The following DOCK9 variants were observed in gnomAD, a reference collection of about 807,000 sequenced individuals.
The protein encoded by DOCK9 is dedicator of cytokinesis protein 9.
A neutral mutation model predicts 263.3 loss-of-function variants in DOCK9; 89 were observed. The observed-to-expected ratio is 0.34, with a 90% CI of 0.28 to 0.40. The LOEUF is 0.40. DOCK9 is among the 10% of genes least tolerant of loss of function. DOCK9 has a pLI of 1.00. For missense variants in DOCK9, 2,140 were observed against 2,603.4 expected (o/e 0.82, Z 3.87); for synonymous variants, 976 against 973.1 (o/e 1.00, Z -0.06).
chr13:99,068,512 G>A (rs1461183979), intron 1 of DOCK9, among the ~76,000 whole-genome samples: 1 of 152,180 alleles, frequency 6.6e-6, no homozygotes, highest in Non-Finnish European at 1.5e-5. Flanking sequence ...AACCCAGGAG[G>A]CGGAGCCTGC....
At chr13:98,796,894 C>A (rs1461578011) in intron 52 of DOCK9, among the ~76,000 whole-genome samples, 1 of 152,030 alleles carries the variant, frequency 6.6e-6, no homozygotes, top group Non-Finnish European at 1.5e-5. Flanking sequence ...CACGAGGAGG[C>A]GGGCCCGCTC....
intron 1 of DOCK9, among the ~76,000 whole-genome samples, chr13:99,014,190 C>T (rs961109416): frequency 3.9e-5 from 6 of 152,180 alleles, no homozygotes; most frequent in African/African-American, 1.2e-4. Context: ...AGAAGCTTGC[C>T]GCATGGGAGG....
Position 99,028,596 on chromosome 13 carries a change from C to G in DOCK9, c.129+57627G>C, listed in dbSNP as rs1887021604. ...CGAGAACAAATTTCTTCTCCTTCTTCTTGCATTATTTATACAAACATTGTT... is the reference window on the plus strand; with the variant it reads ...CGAGAACAAATTTCTTCTCCTTCTTGTTGCATTATTTATACAAACATTGTT... On this transcript the variant is annotated intron_variant, in intron 1 of 32. Coordinates refer to the DOCK9 transcript ENST00000427887. 3.9e-5 allele frequency among the ~76,000 whole-genome samples: 6 copies of G among 152,166 alleles called. No individual in the cohort carries two copies. In the South Asian group the frequency reaches 1.2e-3, roughly 32 times the overall value.
intron 9 of DOCK9, among the ~76,000 whole-genome samples, chr13:98,905,895 G>A (rs149573309): frequency 1.4e-4 from 21 of 152,268 alleles, no homozygotes; most frequent in African/African-American, 5.1e-4. Flanking sequence ...GCAGGGCTGA[G>A]GCAATGGGTT....
intron 1 of DOCK9, among the ~76,000 whole-genome samples, chr13:98,969,463 G>GAAAAAA (rs56102330): frequency 6.7e-6 from 1 of 148,934 alleles, no homozygotes. Context: ...GCGGGAGAAA[G>GAAAAAA]AAAAAAAAAA....
At chr13:98,799,192 G>A (rs1446068552) in intron 50 of DOCK9, among the ~76,000 whole-genome samples, 3 of 152,126 alleles carry the variant, frequency 2.0e-5, no homozygotes, top group Admixed American at 6.6e-5. Flanking sequence ...AACAACTCAC[G>A]GTTCTTTAGC....
At chr13:98,966,641 T>A (rs1053945627) in intron 1 of DOCK9, among the ~76,000 whole-genome samples, 10 of 152,318 alleles carry the variant, frequency 6.6e-5, no homozygotes, top group Middle Eastern at 6.8e-3. Context: ...CCAGATTTAG[T>A]CAGATTTCAA....
chr13:98,839,832 A>C (rs2093144491), intron 38 of DOCK9, among the ~76,000 whole-genome samples: 1 of 152,258 alleles, frequency 6.6e-6, no homozygotes, highest in Non-Finnish European at 1.5e-5. Flanking sequence ...ACACATATGG[A>C]AACATGGTAC....
rs1352967705 is a variant in DOCK9 at position 98,812,285 on chromosome 13, A to G, written c.5131-1994T>C. ...AAGCACCTTAGAAAAATTACATGAC[A>G]CGGAGAAAATGCGCCTCTTGCTCCT... On this transcript the variant is annotated intron_variant, in intron 45 of 52. Coordinates refer to ENST00000682017, the MANE Select transcript of DOCK9 (RefSeq NM_001366683.2). Among the ~76,000 whole-genome samples, 5 of 150,314 alleles carry G rather than the reference A, an allele frequency of 3.3e-5. No homozygotes were observed. In the East Asian group the frequency reaches 7.8e-4, roughly 23 times the overall value.
Position 98,921,076 on chromosome 13 carries a change from G to A in DOCK9, c.595C>T (p.Arg199Ter), listed in dbSNP as rs766883642. 1.9e-6 allele frequency: 3 copies of A among 1,600,174 alleles called. No individual in the cohort carries two copies. The highest frequency in any genetic ancestry group is 2.6e-6 in the Non-Finnish European group (3 of 1,172,990). The change falls in exon 7 of 53, where the codon CGA becomes TGA. Residue 199 changes from arginine to a stop codon, truncating the protein, a stop_gained. Transcript: ENST00000682017. LOFTEE classifies it high-confidence loss of function. ...CCAAGTTGAATCAGGTGGAAAAATC[G>A]TCTCTTAAATGACTGAGAGAAAAAT... Reference protein sequence around the residue: ...ISVTMRSFKRRFFHLIQLGDG... With the variant: ...ISVTMRSFKR
rs557291194 is a variant in DOCK9 at position 99,036,200 on chromosome 13, T to C, written c.129+50023A>G. 5.3e-5 allele frequency among the ~76,000 whole-genome samples: 8 copies of C among 152,328 alleles called. No homozygotes were observed. In the South Asian group the frequency reaches 1.7e-3, roughly 32 times the overall value. On this transcript the variant is annotated intron_variant, in intron 1 of 32. Coordinates refer to the DOCK9 transcript ENST00000427887. ...TTCACTAGAGAACCCTATTATACTGTTACAAACGGAATATTTGTGCTCCCT... is the reference window on the plus strand; with the variant it reads ...TTCACTAGAGAACCCTATTATACTGCTACAAACGGAATATTTGTGCTCCCT...
Position 98,863,423 on chromosome 13 carries a change from C to T in DOCK9, c.3412G>A (p.Val1138Met). 1 of 1,613,978 alleles carries T rather than the reference C, an allele frequency of 6.2e-7. No individual in the cohort carries two copies. The highest frequency in any genetic ancestry group is 8.5e-7 in the Non-Finnish European group (1 of 1,179,900). ...FREVRLIAIS[V>M]LKNLLIKHSF... ...TGCTTTATCAGCAGGTTCTTGAGCA[C>T]ACTGATGGCGATCAGACGGACCTCC... The change falls in exon 31 of 53, where the codon GTG becomes ATG. Residue 1138 changes from valine (V) to methionine (M), a missense_variant. This residue lies in a region of DOCK9 where 1,521 missense variants were observed against 1,741.7 expected (regional missense o/e 0.87). Coordinates refer to ENST00000682017, the MANE Select transcript of DOCK9 (RefSeq NM_001366683.2).
chr13:98,903,033 T>C lies in DOCK9; in HGVS notation c.1115A>G (p.Asn372Ser), dbSNP rs1248915127. The change falls in exon 11 of 53, where the codon AAT becomes AGT. Residue 372 changes from asparagine (N) to serine (S), a missense_variant. Physicochemically the swap from Asn to Ser is conservative, Grantham distance 46 (BLOSUM62 1). Coordinates refer to ENST00000682017, the MANE Select transcript of DOCK9 (RefSeq NM_001366683.2). ...GCATTGCAAATTGAAAGATAAATCA[T>C]TGCACTTGACAAGGATCCTTTTTCC... is the stretch of plus-strand genomic sequence containing the variant. ...KFGKRILVKC[N>S]DLSFNLQCCV... 1.9e-6 allele frequency: 3 copies of C among 1,543,360 alleles called. No homozygotes were observed. The East Asian group carries it at 7.4e-5, about 38-fold the overall frequency.
At chr13:99,019,098 G>A (rs192658889) in intron 1 of DOCK9, among the ~76,000 whole-genome samples, 10 of 152,104 alleles carry the variant, frequency 6.6e-5, no homozygotes, top group East Asian at 3.9e-4. Flanking sequence ...CGAATGGCCC[G>A]AAAACCATTA....
At chr13:99,042,884 T>C (rs1174801177) in intron 1 of DOCK9, among the ~76,000 whole-genome samples, 1 of 152,082 alleles carries the variant, frequency 6.6e-6, no homozygotes, top group Non-Finnish European at 1.5e-5. Context: ...AACAGGCAGA[T>C]CTTTTGCCAT....
intron 35 of DOCK9, among the ~76,000 whole-genome samples, chr13:98,852,248 T>C (rs1357573321): frequency 6.6e-6 from 1 of 152,198 alleles, no homozygotes; most frequent in African/African-American, 2.4e-5. Context: ...AATATGAGAC[T>C]AAGTGCCCTG....
intron 1 of DOCK9, among the ~76,000 whole-genome samples, chr13:99,020,242 A>G (rs1292212398): frequency 6.6e-6 from 1 of 152,234 alleles, no homozygotes; most frequent in Non-Finnish European, 1.5e-5. Context: ...CTATTGTCTT[A>G]TACTTCACAA....
chr13:99,013,203 A>G (rs1279167439), intron 1 of DOCK9, among the ~76,000 whole-genome samples: 1 of 152,152 alleles, frequency 6.6e-6, no homozygotes, highest in Non-Finnish European at 1.5e-5. Flanking sequence ...TCCTAGGCTC[A>G]AGTGACCCTC....
At chr13:98,867,394 G>C (rs2094059484) in intron 30 of DOCK9, 31 bp downstream of exon 30, 2 of 1,191,664 alleles carry the variant, frequency 1.7e-6, no homozygotes, top group Non-Finnish European at 1.2e-6. Flanking sequence ...CTCTGTTTGT[G>C]AAAAGGTTAA....
Sources: gnomAD v4.1 joint callset for allele counts (sites outside exome capture counted in the v4.1 genomes callset) on GRCh38, gnomAD v4.1.1 for gene constraint, gnomAD v4.1.1 regional missense constraint, MANE v1.5 for transcripts, NCBI Gene and HGNC (gene_info 2026-07-23, HGNC 2026-07-21) for gene names.